GALNS: variants seen among roughly 807,000 people sequenced by gnomAD.
GALNS encodes N-acetylgalactosamine-6-sulfatase.
Under a neutral mutation model 65.9 loss-of-function variants are expected in GALNS, and 65 were observed. That is an observed-to-expected ratio of 0.99 (90% CI 0.81 to 1.21). The LOEUF (loss-of-function observed/expected upper bound fraction) is 1.21. GALNS is among the 50% of genes most tolerant of loss of function. GALNS has a pLI of 0.00. For synonymous variants in GALNS, 346 were observed against 288.9 expected (o/e 1.20, Z -2.00); for missense variants, 776 against 700.7 (o/e 1.11, Z -1.21).
At chr16:88,815,382 C>G in intron 13 of GALNS, 1 of 985,478 alleles carries the variant, frequency 1.0e-6, no homozygotes, top group Non-Finnish European at 1.2e-6. Flanking sequence ...CTCAAGAAGC[C>G]TTTCCCAGGG....
chr16:88,843,132 G>C lies in GALNS; in HGVS notation c.121-303C>G, dbSNP rs371033051. 28 of 1,440,194 alleles carry C rather than the reference G, an allele frequency of 1.9e-5. No individual in the cohort carries two copies. In the African/African-American group the frequency reaches 4.0e-4, roughly 20 times the overall value. 89.2% of individuals were successfully genotyped at this position (1,440,194 alleles called of 1,614,324 possible). ...TGGTCTTCAGGTGGGGAATGTGTCC[G>C]TCTGCCTCCTCCCAGCCTGACACCA... On this transcript the variant is annotated intron_variant, in intron 1 of 13. Transcript: ENST00000268695.
intron 10 of GALNS, among the ~76,000 whole-genome samples, chr16:88,825,539 CTGGGG>C (rs1910786861): frequency 3.7e-5 from 3 of 81,186 alleles, no homozygotes; most frequent in Non-Finnish European, 9.3e-5. Context: ...GCAGCCGGGG[CTGGGG>C]TGCCTGGGTG....
chr16:88,816,871 C>A (rs569699162), intron 13 of GALNS: 2 of 985,360 alleles, frequency 2.0e-6, no homozygotes, highest in Non-Finnish European at 1.2e-6. Flanking sequence ...CCGAATCCTG[C>A]GCGGCAGATC....
chr16:88,856,744 C>T lies in GALNS; in HGVS notation c.120+14G>A, dbSNP rs368397682. On this transcript the variant is annotated intron_variant, in intron 1 of 13. Coordinates refer to ENST00000268695, the MANE Select transcript of GALNS (RefSeq NM_000512.5). ...CCCACCCCGGCCCTGCCCCGTCCCA[C>T]CGCCCGCACTCACGTCGTCCATGAG... 6.3e-5 allele frequency: 95 copies of T among 1,499,256 alleles called. No homozygotes were observed. In the East Asian group the frequency reaches 7.8e-4, roughly 12 times the overall value. The allele number at this position is 1,499,256 out of a possible 1,614,324, so 92.9% of individuals were successfully genotyped here.
At chr16:88,837,263 A>G (rs1237105303) in intron 5 of GALNS, among the ~76,000 whole-genome samples, 1 of 152,056 alleles carries the variant, frequency 6.6e-6, no homozygotes, top group Admixed American at 6.6e-5. Context: ...TGTCCTGCCC[A>G]TGTCCCTGGA....
intron 10 of GALNS, 144 bp downstream of exon 10, chr16:88,826,557 AC>A (rs1908019797): frequency 2.1e-6 from 2 of 970,396 alleles, no homozygotes; most frequent in African/African-American, 3.2e-5. Context: ...CGTCTCAGGC[AC>A]CCCTGCCTCC....
At chr16:88,847,480 G>A (rs1485880043) in intron 1 of GALNS, among the ~76,000 whole-genome samples, 1 of 152,232 alleles carries the variant, frequency 6.6e-6, no homozygotes, top group Non-Finnish European at 1.5e-5. Flanking sequence ...ACTGCCACCT[G>A]CATGGACAGC....
In GALNS at chr16:88,835,201, G is replaced by T; in HGVS notation, c.898+12C>A. On this transcript the variant is annotated intron_variant, in intron 8 of 13. Transcript: ENST00000268695. ...TGTGGGGAAACCGTGAGAAGTGACA[G>T]CGAGCACTCACCTTGTTCGGGGGCG... 2 of 1,569,168 alleles carry T rather than the reference G, an allele frequency of 1.3e-6. No homozygotes were observed. Among genetic ancestry groups the T allele is most frequent in the Middle Eastern group, 1.7e-4 (1 of 6,006 alleles).
intron 1 of GALNS, 38 bp downstream of exon 1, chr16:88,856,720 C>T: frequency 1.1e-6 from 1 of 911,446 alleles, no homozygotes; most frequent in Non-Finnish European, 1.6e-6. Context: ...CCTCCCCGCC[C>T]CACCCCGGCC....
chr16:88,817,703 T>G (rs1795820532), intron 13 of GALNS, among the ~76,000 whole-genome samples: 1 of 152,156 alleles, frequency 6.6e-6, no homozygotes, highest in Admixed American at 6.5e-5. Context: ...CAGTGACTTG[T>G]GGGGGGCAGG....
At position 88,822,564 on chromosome 16, in the gene GALNS, G is replaced by C; in HGVS notation, c.1364+25C>G. On this transcript the variant is annotated intron_variant, in intron 12 of 13. Coordinates refer to ENST00000268695, the MANE Select transcript of GALNS (RefSeq NM_000512.5). ...GAGTCCGGCTGGCACTGCCTCAGCA[G>C]CCAGGAGGCCCTGCACCGACTCACC... is the stretch of plus-strand genomic sequence containing the variant. The C allele has an allele frequency of 2.5e-6, 4 of 1,611,926 alleles. No individual in the cohort carries two copies. The South Asian group carries it at 4.4e-5, about 18-fold the overall frequency.
chr16:88,818,161 G>A, intron 12 of GALNS, 37 bp from the exon 13 acceptor site: 1 of 1,507,330 alleles, frequency 6.6e-7, no homozygotes, highest in Non-Finnish European at 9.0e-7. Flanking sequence ...GGCTGGGGCT[G>A]ACAGCGAAGG....
chr16:88,848,808 C>T (rs1342072855), intron 1 of GALNS, among the ~76,000 whole-genome samples: 2 of 152,208 alleles, frequency 1.3e-5, no homozygotes, highest in Non-Finnish European at 2.9e-5. Flanking sequence ...GGGATGGGCG[C>T]TGGGCCCCGG....
At chr16:88,818,911 T>C (rs1244035564) in intron 12 of GALNS, among the ~76,000 whole-genome samples, 2 of 152,134 alleles carry the variant, frequency 1.3e-5, no homozygotes, top group Non-Finnish European at 2.9e-5. Context: ...TTGCTGCTGG[T>C]GGGGACGTGG....
rs567086633 is a variant in GALNS, at chr16:88,837,992, C to T, written c.423-227G>A. 72 of 542,534 alleles carry T rather than the reference C, an allele frequency of 1.3e-4. 1 individual carries two copies. Among genetic ancestry groups the T allele is most frequent in the South Asian group, 7.0e-4 (32 of 45,762 alleles). 33.6% of individuals were successfully genotyped at this position (542,534 alleles called of 1,614,324 possible). ...CAGAGCGTCTGGGCACAACCGAGGG[C>T]GGCAGGCATGGCGGCGGCCGGGGTT... On this transcript the variant is annotated intron_variant, in intron 4 of 13. Transcript: ENST00000268695.
chr16:88,827,875 G>A (rs1479658791), intron 9 of GALNS, among the ~76,000 whole-genome samples: 1 of 152,228 alleles, frequency 6.6e-6, no homozygotes, highest in East Asian at 1.9e-4. Flanking sequence ...CCGCTGCCAG[G>A]CCCTGGAGCT....
intron 7 of GALNS, 91 bp downstream of exon 7, chr16:88,835,634 C>G: frequency 6.3e-7 from 1 of 1,589,580 alleles, no homozygotes; most frequent in Non-Finnish European, 8.6e-7. Flanking sequence ...CATAATTGGC[C>G]TAAATGCCAC....
intron 1 of GALNS, chr16:88,843,043 G>C (rs1021574896): frequency 6.6e-7 from 1 of 1,522,706 alleles, no homozygotes; most frequent in African/African-American, 1.4e-5. Flanking sequence ...AGCATCGCCT[G>C]CGTGCGTGCA....
intron 8 of GALNS, among the ~76,000 whole-genome samples, chr16:88,832,837 G>A (rs1333139632): frequency 2.0e-5 from 3 of 152,116 alleles, no homozygotes; most frequent in Non-Finnish European, 4.4e-5. Flanking sequence ...GAAGCAGGGG[G>A]ACTGCTTGAA....
Sources: gnomAD v4.1 joint callset for allele counts (sites outside exome capture counted in the v4.1 genomes callset) on GRCh38, gnomAD v4.1.1 for gene constraint, MANE v1.5 for transcripts, NCBI Gene and HGNC (gene_info 2026-07-23, HGNC 2026-07-21) for gene names.